Variants in SNX29 observed in about 807,000 individuals in gnomAD.
SNX29 encodes the protein sorting nexin 29.
In SNX29, 78 loss-of-function variants were observed where a neutral mutation model predicts 102.1. That is an observed-to-expected ratio of 0.76 (90% CI 0.64 to 0.92). SNX29 has a LOEUF of 0.92. Among genes scored for constraint, SNX29 ranks in the 40% least tolerant of loss-of-function variants. SNX29 has a pLI of 0.00. For synonymous variants in SNX29, 580 were observed against 414.5 expected (o/e 1.40, Z -4.85); for missense variants, 1,280 against 1,061.7 (o/e 1.21, Z -2.86).
At chr16:12,089,797 C>T (rs2052413582) in intron 11 of SNX29, 1 of 355,342 alleles carries the variant, frequency 2.8e-6, no homozygotes, top group Non-Finnish European at 5.4e-6. Flanking sequence ...GGCTCTGAAG[C>T]CTGCTTGCCA....
intron 19 of SNX29, among the ~76,000 whole-genome samples, chr16:12,517,660 A>C (rs528827826): frequency 2.0e-5 from 3 of 152,364 alleles, no homozygotes; most frequent in African/African-American, 4.8e-5. Flanking sequence ...TAAAGGGATG[A>C]ACCAGACAGA....
At chr16:12,515,435 C>G (rs567822895) in intron 19 of SNX29, 1 of 461,794 alleles carries the variant, frequency 2.2e-6, no homozygotes, top group Non-Finnish European at 4.4e-6. Flanking sequence ...ACCCCATCCG[C>G]AAGTCACCCC....
chr16:12,422,244 G>A (rs988305094), intron 18 of SNX29, among the ~76,000 whole-genome samples: 1 of 152,132 alleles, frequency 6.6e-6, no homozygotes, highest in Non-Finnish European at 1.5e-5. Flanking sequence ...TGCACCTGTT[G>A]GGCCTCAGGT....
chr16:12,012,857 C>G (rs949658757), intron 3 of SNX29, among the ~76,000 whole-genome samples: 1 of 152,058 alleles, frequency 6.6e-6, no homozygotes, highest in African/African-American at 2.4e-5. Context: ...TCCTGACACA[C>G]ATAAATGTTT....
chr16:12,539,104 G>A (rs1341590953), intron 20 of SNX29, among the ~76,000 whole-genome samples: 1 of 152,106 alleles, frequency 6.6e-6, no homozygotes, highest in Non-Finnish European at 1.5e-5. Flanking sequence ...AGTCCTACTT[G>A]CCTTTACTTT....
At chr16:12,198,234 C>T (rs1404958223) in intron 13 of SNX29, among the ~76,000 whole-genome samples, 2 of 151,998 alleles carry the variant, frequency 1.3e-5, no homozygotes, top group African/African-American at 4.8e-5. Flanking sequence ...TTGAGTGGAA[C>T]AGTAAACAAG....
At chr16:12,462,011 A>ATATATT (rs2086818513) in intron 18 of SNX29, among the ~76,000 whole-genome samples, 1 of 67,808 alleles carries the variant, frequency 1.5e-5, no homozygotes, top group Non-Finnish European at 2.6e-5. Flanking sequence ...ATATATATAT[A>ATATATT]TGTATACACA....
intron 15 of SNX29, among the ~76,000 whole-genome samples, chr16:12,288,185 G>T (rs1226987541): frequency 6.6e-5 from 10 of 152,122 alleles, no homozygotes. Context: ...CTCAGACACT[G>T]GACCAAACTG....
At chr16:12,437,867 C>T (rs1003599135) in intron 18 of SNX29, among the ~76,000 whole-genome samples, 5 of 152,172 alleles carry the variant, frequency 3.3e-5, no homozygotes, top group Non-Finnish European at 7.3e-5. Context: ...CCCCCCAGCC[C>T]AGGGCCACTG....
At chr16:12,077,849 G>T (rs2051655342) in intron 10 of SNX29, among the ~76,000 whole-genome samples, 1 of 152,068 alleles carries the variant, frequency 6.6e-6, no homozygotes, top group Admixed American at 6.5e-5. Flanking sequence ...TCGAACTCCT[G>T]ACCTCATGTG....
At chr16:12,021,852 C>G (rs1473155445) in intron 3 of SNX29, among the ~76,000 whole-genome samples, 2 of 151,458 alleles carry the variant, frequency 1.3e-5, no homozygotes, top group Non-Finnish European at 2.9e-5. Context: ...GATCACGTCA[C>G]TGCACTCCAG....
At chr16:12,313,472 C>G (rs2080631061) in intron 15 of SNX29, among the ~76,000 whole-genome samples, 1 of 152,188 alleles carries the variant, frequency 6.6e-6, no homozygotes, top group African/African-American at 2.4e-5. Flanking sequence ...CGGGAAAGTC[C>G]CTGCCACCAT....
At chr16:12,523,801 A>T (rs1440764423) in intron 19 of SNX29, among the ~76,000 whole-genome samples, 1 of 152,130 alleles carries the variant, frequency 6.6e-6, no homozygotes, top group Admixed American at 6.5e-5. Flanking sequence ...AGACCTGGGG[A>T]CCTGTGCCTG....
intron 3 of SNX29, among the ~76,000 whole-genome samples, chr16:12,009,729 T>C (rs545977654): frequency 4.6e-5 from 7 of 152,170 alleles, no homozygotes; most frequent in Non-Finnish European, 1.0e-4. Flanking sequence ...GACTCGTTCT[T>C]ATGGTTCATT....
chr16:12,540,489 A>G (rs2077282169), intron 20 of SNX29, among the ~76,000 whole-genome samples: 1 of 152,260 alleles, frequency 6.6e-6, no homozygotes, highest in African/African-American at 2.4e-5. Flanking sequence ...AGGTGTCGGC[A>G]GGGCTGGCGC....
chr16:12,107,658 A>T (rs535642614), intron 11 of SNX29, among the ~76,000 whole-genome samples: 124 of 151,618 alleles, frequency 8.2e-4, no homozygotes, highest in African/African-American at 1.8e-3. Context: ...CAAAAACAAA[A>T]AAAAGAGGAG....
chr16:12,024,523 A>G (rs956267074), intron 3 of SNX29, among the ~76,000 whole-genome samples: 2 of 152,158 alleles, frequency 1.3e-5, no homozygotes, highest in African/African-American at 4.8e-5. Flanking sequence ...GGAGGGTGTT[A>G]AGTAGAACGG....
intron 20 of SNX29, among the ~76,000 whole-genome samples, chr16:12,536,085 T>C (rs2141206654): frequency 6.6e-6 from 1 of 152,290 alleles, no homozygotes; most frequent in East Asian, 1.9e-4. Flanking sequence ...ACACCCAGGA[T>C]GTTTTGCCTG....
intron 20 of SNX29, among the ~76,000 whole-genome samples, chr16:12,544,805 A>C (rs2141282907): frequency 6.6e-6 from 1 of 152,324 alleles, no homozygotes; most frequent in African/African-American, 2.4e-5. Flanking sequence ...CTAGAGACCA[A>C]ACTCTTGACC....
Sources: allele counts gnomAD v4.1 joint callset (sites outside exome capture counted in the v4.1 genomes callset), GRCh38; gene constraint gnomAD v4.1.1; transcripts MANE v1.5; gene names NCBI Gene and HGNC (gene_info 2026-07-23, HGNC 2026-07-21).